Variants in GPBP1 observed in about 807,000 individuals in gnomAD.
The protein encoded by GPBP1 is vasculin.
Under a neutral mutation model 56.5 loss-of-function variants are expected in GPBP1, and 13 were observed. The observed-to-expected ratio is 0.23, with a 90% confidence interval of 0.15 to 0.37. The LOEUF is 0.37. Among genes scored for constraint, GPBP1 ranks in the 10% least tolerant of loss-of-function variants. The pLI is 1.00. For synonymous variants in GPBP1, 204 were observed against 188.9 expected, an observed-to-expected ratio of 1.08 and a Z score of -0.66; for missense variants, 477 against 572.3, an observed-to-expected ratio of 0.83 and a Z score of 1.70.
At chr5:57,212,730 C>T (rs1398235328) in intron 2 of GPBP1, among the ~76,000 whole-genome samples, 1 of 147,416 alleles carries the variant, frequency 6.8e-6, no homozygotes, top group Admixed American at 6.9e-5. Flanking sequence ...AGTGCAGTGG[C>T]TCTATTTCGG....
At chr5:57,219,375 CAAAAAAAAAAAAAAA>C (rs869152603) in intron 3 of GPBP1, among the ~76,000 whole-genome samples, 31 of 35,312 alleles carry the variant, frequency 8.8e-4, no homozygotes, top group Non-Finnish European at 1.3e-3. Flanking sequence ...GACTCTGTCT[CAAAAAAAAAAAAAAA>C]AAAAAAAAAA....
At chr5:57,234,698 G>A (rs1028246606) in intron 5 of GPBP1, among the ~76,000 whole-genome samples, 3 of 152,178 alleles carry the variant, frequency 2.0e-5, no homozygotes, top group African/African-American at 7.2e-5. Context: ...GAGCTTTCAC[G>A]TGTGAGATGG....
intron 2 of GPBP1, among the ~76,000 whole-genome samples, chr5:57,182,880 G>C (rs1262922935): frequency 1.3e-5 from 2 of 151,966 alleles, no homozygotes; most frequent in Admixed American, 1.3e-4. Flanking sequence ...AGAGAGTCTT[G>C]TTATGTTTCC....
At chr5:57,238,554 G>A (rs576227150) in intron 6 of GPBP1, among the ~76,000 whole-genome samples, 16 of 151,816 alleles carry the variant, frequency 1.1e-4, no homozygotes, top group South Asian at 4.2e-4. Context: ...GTGAAACTCC[G>A]TCTCAAAAAA....
chr5:57,214,333 C>T, intron 3 of GPBP1, 140 bp downstream of exon 3: 1 of 714,740 alleles, frequency 1.4e-6, no homozygotes, highest in East Asian at 2.8e-5. Context: ...CCCCTGTAAT[C>T]TCAGCACTTT....
chr5:57,259,646 G>T (rs1248528140), intron 10 of GPBP1, among the ~76,000 whole-genome samples: 1 of 152,140 alleles, frequency 6.6e-6, no homozygotes, highest in African/African-American at 2.4e-5. Flanking sequence ...AATGAAGTCA[G>T]AAGGAGCCAA....
intron 3 of GPBP1, among the ~76,000 whole-genome samples, chr5:57,214,841 T>C (rs1325036115): frequency 6.6e-6 from 1 of 152,114 alleles, no homozygotes; most frequent in Admixed American, 6.5e-5. Context: ...TTTTTATTAA[T>C]AGTAGAGGTG....
chr5:57,215,296 A>C (rs1295829375), intron 3 of GPBP1, among the ~76,000 whole-genome samples: 1 of 152,196 alleles, frequency 6.6e-6, no homozygotes, highest in African/African-American at 2.4e-5. Context: ...TTTATGAGGG[A>C]AAGTAAAATG....
intron 3 of GPBP1, among the ~76,000 whole-genome samples, chr5:57,216,450 G>A (rs1755702326): frequency 6.6e-6 from 1 of 152,128 alleles, no homozygotes; most frequent in African/African-American, 2.4e-5. Flanking sequence ...GGTCGGGCGT[G>A]GTGGCTCACA....
chr5:57,212,379 T>C (rs560012183), intron 2 of GPBP1, among the ~76,000 whole-genome samples: 8 of 152,326 alleles, frequency 5.3e-5, no homozygotes, highest in Admixed American at 2.0e-4. Context: ...TAGTTTTCAT[T>C]GTTACTCCAC....
intron 10 of GPBP1, 128 bp from the exon 11 acceptor site, chr5:57,261,041 GCTCAAAAATCC>G: frequency 1.9e-6 from 1 of 515,644 alleles, no homozygotes; most frequent in Non-Finnish European, 3.5e-6. Context: ...CAAAGCCTGA[GCTCAAAAATCC>G]TTTTGATGTG....
At chr5:57,199,083 A>G (rs886649488) in intron 2 of GPBP1, among the ~76,000 whole-genome samples, 1 of 152,214 alleles carries the variant, frequency 6.6e-6, no homozygotes, top group African/African-American at 2.4e-5. Flanking sequence ...GTACATTTAC[A>G]ATGGCGGGGT....
At chr5:57,184,563 T>C (rs1165602366) in intron 2 of GPBP1, among the ~76,000 whole-genome samples, 1 of 152,152 alleles carries the variant, frequency 6.6e-6, no homozygotes, top group Admixed American at 6.6e-5. Context: ...AAGGGGTTGG[T>C]GCTAAGCCCT....
At chr5:57,190,694 CTTTTTTTTTTTTTT>C (rs773540051) in intron 2 of GPBP1, among the ~76,000 whole-genome samples, 11 of 68,854 alleles carry the variant, frequency 1.6e-4, no homozygotes, top group Admixed American at 5.5e-4. Flanking sequence ...TTGCTGTTAG[CTTTTTTTTTTTTTT>C]TTTTTTTTTT....
chr5:57,249,749 C>CCCTA, intron 9 of GPBP1, among the ~76,000 whole-genome samples, 173 bp downstream of exon 9: 1 of 126,484 alleles, frequency 7.9e-6, no homozygotes, highest in Middle Eastern at 3.6e-3. Context: ...TCTCGCCTCC[C>CCCTA]CCCTTCCCCC....
chr5:57,220,460 CT>C (rs5868040), intron 3 of GPBP1, among the ~76,000 whole-genome samples: 36,225 of 138,684 alleles, frequency 0.26, 4,425 homozygotes, highest in East Asian at 0.66. Context: ...ACAATTTAAA[CT>C]TTTTTTTTTT....
At chr5:57,231,049 T>C (rs748148649) in intron 4 of GPBP1, 49 bp from the exon 5 acceptor site, 4 of 1,586,846 alleles carry the variant, frequency 2.5e-6, no homozygotes, top group Middle Eastern at 1.7e-4. Flanking sequence ...ATTCAATCTT[T>C]AAGCTTCTCT....
intron 10 of GPBP1, among the ~76,000 whole-genome samples, chr5:57,254,227 C>G (rs1032935254): frequency 6.6e-6 from 1 of 152,188 alleles, no homozygotes; most frequent in Admixed American, 6.5e-5. Context: ...CCCTTCCCCA[C>G]GCCCCTCGCT....
At chr5:57,259,687 T>C (rs917161060) in intron 10 of GPBP1, among the ~76,000 whole-genome samples, 36 of 152,204 alleles carry the variant, frequency 2.4e-4, no homozygotes, top group African/African-American at 8.4e-4. Flanking sequence ...GCCTAATGAT[T>C]TCCCATTGAA....
Sources: allele counts gnomAD v4.1 joint callset (sites outside exome capture counted in the v4.1 genomes callset), GRCh38; gene constraint gnomAD v4.1.1; transcripts MANE v1.5; gene names NCBI Gene and HGNC (gene_info 2026-07-23, HGNC 2026-07-21).